Variants in NECTIN3 observed in about 807,000 individuals in gnomAD.
The protein encoded by NECTIN3 is nectin cell adhesion molecule 3.
Under a neutral mutation model 49.4 loss-of-function variants are expected in NECTIN3, and 8 were observed. The observed-to-expected ratio is 0.16, with a 90% CI of 0.10 to 0.29. NECTIN3 has a LOEUF of 0.29. Among genes scored for constraint, NECTIN3 ranks in the 10% least tolerant of loss-of-function variants. The pLI is 1.00. For synonymous variants in NECTIN3, 277 were observed against 241.1 expected, an observed-to-expected ratio of 1.15 and a Z score of -1.38; for missense variants, 581 against 654.6, an observed-to-expected ratio of 0.89 and a Z score of 1.23.
Position 111,134,975 on chromosome 3 carries a change from G to C in NECTIN3, c.*760G>C. 1 of 806,930 alleles carries C rather than the reference G, an allele frequency of 1.2e-6. No homozygotes were observed. The highest frequency in any genetic ancestry group is 1.5e-6 in the Non-Finnish European group (1 of 668,472). 50.0% of individuals were successfully genotyped at this position (806,930 alleles called of 1,614,324 possible). A position where few individuals can be genotyped will look rare whatever the true frequency, so the allele number is the denominator to read the frequency against. On this transcript the variant is annotated 3_prime_UTR_variant, in exon 6 of 6. Transcript: ENST00000485303. Reference sequence around the variant, plus strand: ...TACCTTTCAAACATGATAATTATTAGTTTTTTTTTTTCCTTTCTGGAACAT... The same window carrying C: ...TACCTTTCAAACATGATAATTATTACTTTTTTTTTTTCCTTTCTGGAACAT...
chr3:111,082,825 G>C (rs2031699336), intron 1 of NECTIN3, among the ~76,000 whole-genome samples: 1 of 152,176 alleles, frequency 6.6e-6, no homozygotes. Context: ...TGGGAGCCCA[G>C]AGCTTGTTTT....
At chr3:111,072,592 C>G in intron 1 of NECTIN3, 1 of 1,533,362 alleles carries the variant, frequency 6.5e-7, no homozygotes, top group Non-Finnish European at 8.7e-7. Flanking sequence ...CCCTAGGGAC[C>G]GGAGCCCGAT....
intron 1 of NECTIN3, among the ~76,000 whole-genome samples, chr3:111,086,868 T>C (rs2031963149): frequency 6.6e-6 from 1 of 152,190 alleles, no homozygotes; most frequent in South Asian, 2.1e-4. Context: ...GCCTGTTTTA[T>C]CTATTTATTG....
upstream of NECTIN3, among the ~76,000 whole-genome samples, chr3:111,188,162 A>G (rs2035754504): frequency 6.6e-6 from 1 of 152,242 alleles, no homozygotes; most frequent in South Asian, 2.1e-4. Context: ...CTGTGGATTG[A>G]CAGAAAGAGC....
chr3:111,072,133 T>TGCTGCTGCTGCTCTTCCC lies in NECTIN3; in HGVS notation c.126_143dup (p.Leu43_Leu48dup). The TGCTGCTGCTGCTCTTCCC allele has an allele frequency of 6.5e-7, 1 of 1,545,928 alleles. No individual in the cohort carries two copies. The highest frequency in any genetic ancestry group is 2.5e-5 in the East Asian group (1 of 40,560). On this transcript the variant is annotated inframe_insertion, in exon 1 of 6. Transcript: ENST00000485303. ...CTGCAGCCCCCGACGCCACCTCCGC[T>TGCTGCTGCTGCTCTTCCC]GCTGCTGCTGCTCTTCCCGCTGCTG... is the stretch of plus-strand genomic sequence containing the variant.
At chr3:111,146,492 T>G (rs956450163) in intron 6 of NECTIN3, among the ~76,000 whole-genome samples, 1 of 152,038 alleles carries the variant, frequency 6.6e-6, no homozygotes, top group African/African-American at 2.4e-5. Context: ...CCAGATTATC[T>G]TGGTTTTTCT....
rs186025823 is a variant in NECTIN3, at chr3:111,152,821, G to C, written c.1221+5337G>C. 1.4e-3 allele frequency among the ~76,000 whole-genome samples: 215 copies of C among 151,986 alleles called. 1 individual carries two copies. Among genetic ancestry groups the C allele is most frequent in the African/African-American group, 5.1e-3 (211 of 41,544 alleles). ...AGAGAAAAGTCTCTCCAGGTATTCA[G>C]TTACAATCAGGCCATATTTCATTTA... On this transcript the variant is annotated intron_variant, in intron 7 of 8. Coordinates refer to the NECTIN3 transcript ENST00000493615.
At chr3:111,156,425 A>C (rs2035100243) in intron 7 of NECTIN3, among the ~76,000 whole-genome samples, 2 of 152,228 alleles carry the variant, frequency 1.3e-5, no homozygotes, top group Admixed American at 1.3e-4. Context: ...AACTCTTTAA[A>C]ATGCTACAGT....
At position 111,110,908 on chromosome 3, in the gene NECTIN3, G is replaced by GT. The variant is rs556907235; in HGVS notation, c.161-1113dup. On this transcript the variant is annotated intron_variant, in intron 1 of 5. Transcript: ENST00000485303. The stretch of plus-strand genomic sequence containing the variant: ...ATTCAGGGAAATAATATTGCATAAA[G>GT]TTTTTTTTTACCATATTTGGATGTG... Among the ~76,000 whole-genome samples, 343 of 151,236 alleles carry GT rather than the reference G, an allele frequency of 2.3e-3. 3 individuals are homozygous for GT. The highest frequency in any genetic ancestry group is 4.8e-3 in the South Asian group (23 of 4,776).
intron 6 of NECTIN3, chr3:111,145,179 A>G (rs2034844653): frequency 2.1e-6 from 2 of 945,522 alleles, no homozygotes; most frequent in Non-Finnish European, 3.1e-6. Context: ...CCGTGGTTTC[A>G]TCAGAATATC....
chr3:111,114,378 C>T (rs1257639741), intron 2 of NECTIN3, among the ~76,000 whole-genome samples: 2 of 152,036 alleles, frequency 1.3e-5, no homozygotes. Flanking sequence ...CCCGTTTCCC[C>T]AAATCTGATA....
intron 2 of NECTIN3, among the ~76,000 whole-genome samples, chr3:111,116,356 A>T (rs114619025): frequency 3.0e-4 from 45 of 152,270 alleles, no homozygotes; most frequent in Non-Finnish European, 4.9e-4. Context: ...TCTCCTAAGG[A>T]CAGCACTTAG....
At chr3:111,098,114 A>G (rs2032694076) in intron 1 of NECTIN3, among the ~76,000 whole-genome samples, 1 of 152,164 alleles carries the variant, frequency 6.6e-6, no homozygotes, top group South Asian at 2.1e-4. Context: ...TTTAATCTGT[A>G]AAGTTATCTG....
At chr3:111,184,926 T>C (rs981701066) in intron 7 of NECTIN3, among the ~76,000 whole-genome samples, 3 of 152,244 alleles carry the variant, frequency 2.0e-5, no homozygotes, top group African/African-American at 7.2e-5. Context: ...GGTGTGAACC[T>C]GGGTCTCTGC....
chr3:111,102,063 A>C (rs2032934970), intron 1 of NECTIN3, among the ~76,000 whole-genome samples: 1 of 152,154 alleles, frequency 6.6e-6, no homozygotes, highest in Non-Finnish European at 1.5e-5. Flanking sequence ...TATATGGCCC[A>C]GGGTAAGTCT....
chr3:111,123,485 T>G (rs550887057), intron 4 of NECTIN3, among the ~76,000 whole-genome samples: 1 of 152,218 alleles, frequency 6.6e-6, no homozygotes, highest in African/African-American at 2.4e-5. Flanking sequence ...GGTAGAGATG[T>G]GATTATTTTC....
At chr3:111,072,221 C>T (rs1412860619) in intron 1 of NECTIN3, 44 bp downstream of exon 1, 7 of 1,515,996 alleles carry the variant, frequency 4.6e-6, no homozygotes, top group Non-Finnish European at 6.2e-6. Context: ...GGAGCCGCCA[C>T]TGAGGGTGCG....
intron 2 of NECTIN3, among the ~76,000 whole-genome samples, chr3:111,116,617 A>G (rs1393529035): frequency 3.9e-5 from 6 of 152,244 alleles, no homozygotes; most frequent in Admixed American, 1.3e-4. Flanking sequence ...ACCACGTATA[A>G]TCACAAATGA....
At chr3:111,111,883 ATGTG>A (rs375316132) in intron 1 of NECTIN3, 143 bp from the exon 2 acceptor site, 2 of 545,978 alleles carry the variant, frequency 3.7e-6, no homozygotes, top group South Asian at 2.4e-5. Context: ...GTGTGAGTGC[ATGTG>A]TGTGTGTGTG....
Sources: gnomAD v4.1 joint callset for allele counts (sites outside exome capture counted in the v4.1 genomes callset) on GRCh38, gnomAD v4.1.1 for gene constraint, MANE v1.5 for transcripts, NCBI Gene and HGNC (gene_info 2026-07-23, HGNC 2026-07-21) for gene names.